KCNQ4: variants seen among roughly 807,000 people sequenced by gnomAD.
The protein encoded by KCNQ4 is potassium voltage-gated channel subfamily Q member 4.
KCNQ4 carries 31 observed loss-of-function variants against 72.6 expected under a neutral mutation model. The ratio of observed to expected loss-of-function variants is 0.43; its 90% confidence interval spans 0.32 to 0.58. KCNQ4 has a LOEUF of 0.58. Among genes scored for constraint, KCNQ4 ranks in the 20% least tolerant of loss-of-function variants. KCNQ4 has a pLI of 0.08. For missense variants in KCNQ4, 869 were observed against 962.6 expected, an observed-to-expected ratio of 0.90 and a Z score of 1.29; for synonymous variants, 405 against 403.7, an observed-to-expected ratio of 1.00 and a Z score of -0.04.
rs917589480 is a variant in KCNQ4 at position 40,832,948 on chromosome 1, A to G, written c.1514-66A>G. ...CACTCTACTGGTGGTTTGGCATACA[A>G]GGGTCGGATGGGAGGTTGGGAGTGG... On this transcript the variant is annotated intron_variant, in intron 10 of 13. Transcript: ENST00000347132. 6.9e-6 allele frequency: 8 copies of G among 1,164,470 alleles called. No individual in the cohort carries two copies. In the African/African-American group the frequency reaches 1.2e-4, roughly 18 times the overall value. The allele number at this position is 1,164,470 out of a possible 1,614,324, so 72.1% of individuals were successfully genotyped here. A position where few individuals can be genotyped will look rare whatever the true frequency, so the allele number is the denominator to read the frequency against.
intron 7 of KCNQ4, among the ~76,000 whole-genome samples, chr1:40,820,462 G>A (rs1307623451): frequency 6.6e-6 from 1 of 152,154 alleles, no homozygotes; most frequent in Non-Finnish European, 1.5e-5. Flanking sequence ...ACTTCCCCCT[G>A]CACCAAATGC....
chr1:40,837,661 T>C lies in KCNQ4; in HGVS notation c.1746-4T>C, dbSNP rs769063921. The C allele has an allele frequency of 2.5e-6, 4 of 1,612,568 alleles. No homozygotes were observed. In the Admixed American group the frequency reaches 6.7e-5, roughly 27 times the overall value. ...GGGCCCTCTGATGGTTCCCTTACCC[T>C]TAGGGTGGACCAAATTGTGGGTCGG... On this transcript the variant is annotated splice_region_variant and splice_polypyrimidine_tract_variant and intron_variant, in intron 12 of 13. Transcript: ENST00000347132.
chr1:40,834,958 C>T lies in KCNQ4; in HGVS notation c.1614-9C>T, dbSNP rs746781318. ...CAGGACACTCCCTCTGAGCCCCCTC[C>T]CCCAACAGGATTCTCAAGTTCCTGG... On this transcript the variant is annotated splice_polypyrimidine_tract_variant and intron_variant, in intron 11 of 13. Coordinates refer to ENST00000347132, the MANE Select transcript of KCNQ4 (RefSeq NM_004700.4). 5.6e-6 allele frequency: 9 copies of T among 1,613,000 alleles called. No individual in the cohort carries two copies. The highest frequency in any genetic ancestry group is 6.8e-6 in the Non-Finnish European group (8 of 1,179,414).
At chr1:40,822,109 A>T (rs1008066325) in intron 7 of KCNQ4, among the ~76,000 whole-genome samples, 2 of 152,136 alleles carry the variant, frequency 1.3e-5, no homozygotes, top group African/African-American at 4.8e-5. Context: ...TCTGACATTG[A>T]TCTGCTTTGT....
intron 11 of KCNQ4, among the ~76,000 whole-genome samples, chr1:40,834,088 C>G (rs1282503691): frequency 1.3e-5 from 2 of 151,878 alleles, no homozygotes; most frequent in South Asian, 2.1e-4. Context: ...CTGCTTACCC[C>G]CTTTTCACCC....
chr1:40,784,530 C>T lies in KCNQ4; in HGVS notation c.314+123C>T, dbSNP rs1362520497. 2.2e-6 allele frequency: 2 copies of T among 904,788 alleles called. No individual in the cohort carries two copies. Among genetic ancestry groups the T allele is most frequent in the Non-Finnish European group, 3.5e-6 (2 of 566,988 alleles). The allele number at this position is 904,788 out of a possible 1,614,324, so 56.0% of individuals were successfully genotyped here. A position where few individuals can be genotyped will look rare whatever the true frequency, so the allele number is the denominator to read the frequency against. ...CCTCAGGGCCGACCCTCATCTCTCTCCCCCCAGGCCTAAGCCCGGTTTCTG... is the reference window on the plus strand; with the variant it reads ...CCTCAGGGCCGACCCTCATCTCTCTTCCCCCAGGCCTAAGCCCGGTTTCTG... On this transcript the variant is annotated intron_variant, in intron 1 of 13. Transcript: ENST00000347132. This position sits in a 1 kb window ranked among gnomAD's most constrained non-coding sequence, Gnocchi z 4.1.
chr1:40,813,183 T>C (rs1297107176), intron 1 of KCNQ4, among the ~76,000 whole-genome samples: 1 of 152,194 alleles, frequency 6.6e-6, no homozygotes, highest in East Asian at 1.9e-4. Flanking sequence ...CAGGGCCTTG[T>C]TGTCAGTGCC....
At position 40,838,364 on chromosome 1, in the gene KCNQ4, C is replaced by G; in HGVS notation, c.1929C>G (p.Cys643Trp). 6.2e-7 allele frequency: 1 copy of G among 1,614,000 alleles called. No individual in the cohort carries two copies. The highest frequency in any genetic ancestry group is 8.5e-7 in the Non-Finnish European group (1 of 1,179,940). ...TGCTGTTGGGCTTCTATTCGCGCTG[C>G]CTGCGCTCTGGCACCTCGGCCAGCC... ...LDLLLGFYSR[C>W]LRSGTSASLG... Residue 643 changes from cysteine to tryptophan, a missense_variant, in exon 14 of 14, where the codon TGC becomes TGG. Coordinates refer to ENST00000347132, the MANE Select transcript of KCNQ4 (RefSeq NM_004700.4).
intron 1 of KCNQ4, among the ~76,000 whole-genome samples, chr1:40,815,573 C>T (rs964256463): frequency 5.9e-5 from 9 of 152,130 alleles, no homozygotes; most frequent in African/African-American, 1.7e-4. Flanking sequence ...TCCCGTACCC[C>T]GTGTTTTTGC....
rs776136734 is a variant in KCNQ4, at chr1:40,833,124, G to T, written c.1613+11G>T. On this transcript the variant is annotated intron_variant, in intron 11 of 13. Coordinates refer to ENST00000347132, the MANE Select transcript of KCNQ4 (RefSeq NM_004700.4). ...CATCCGCTCCATCAGGTAAGACTGAGGCCTGAGGCGAGCACCCCCCTCCGT... is the reference window on the plus strand; with the variant it reads ...CATCCGCTCCATCAGGTAAGACTGATGCCTGAGGCGAGCACCCCCCTCCGT... The T allele has an allele frequency of 6.2e-7, 1 of 1,600,040 alleles. No homozygotes were observed. The highest frequency in any genetic ancestry group is 1.1e-5 in the South Asian group (1 of 90,858).
chr1:40,799,463 C>T (rs1007180780), intron 1 of KCNQ4, among the ~76,000 whole-genome samples: 26 of 151,990 alleles, frequency 1.7e-4, no homozygotes, highest in African/African-American at 6.1e-4. Flanking sequence ...TAAACACTGC[C>T]GTCGCCTGGG....
intron 12 of KCNQ4, among the ~76,000 whole-genome samples, chr1:40,836,739 G>T (rs889417453): frequency 2.0e-5 from 3 of 152,188 alleles, no homozygotes; most frequent in African/African-American, 7.2e-5. Flanking sequence ...GGAAGAAGGG[G>T]TGATCAGATG....
At chr1:40,785,247 T>C (rs1647190228) in intron 1 of KCNQ4, among the ~76,000 whole-genome samples, 1 of 152,126 alleles carries the variant, frequency 6.6e-6, no homozygotes, top group African/African-American at 2.4e-5. Context: ...CTCTTGGGTG[T>C]GAAGAGTGAA....
At chr1:40,797,122 C>T (rs1476059484) in intron 1 of KCNQ4, among the ~76,000 whole-genome samples, 2 of 152,208 alleles carry the variant, frequency 1.3e-5, no homozygotes, top group Non-Finnish European at 2.9e-5. Flanking sequence ...TGAATCAGAC[C>T]TTCCTCTGCT....
At chr1:40,793,148 G>A (rs1032535708) in intron 1 of KCNQ4, among the ~76,000 whole-genome samples, 3 of 151,386 alleles carry the variant, frequency 2.0e-5, no homozygotes, top group Non-Finnish European at 2.9e-5. Flanking sequence ...GACTACAGGC[G>A]CACACCAAGA....
chr1:40,803,901 C>T (rs1315519691), intron 1 of KCNQ4, among the ~76,000 whole-genome samples: 1 of 152,216 alleles, frequency 6.6e-6, no homozygotes, highest in Non-Finnish European at 1.5e-5. Context: ...CTACAGAACT[C>T]CTGGGCTGGG....
chr1:40,816,768 CA>C (rs1312003815), intron 1 of KCNQ4, among the ~76,000 whole-genome samples: 1 of 152,218 alleles, frequency 6.6e-6, no homozygotes, highest in Non-Finnish European at 1.5e-5. Flanking sequence ...TCCACGAAGG[CA>C]GGGGCAGTTG....
At chr1:40,787,945 G>A (rs1252499507) in intron 1 of KCNQ4, among the ~76,000 whole-genome samples, 3 of 152,200 alleles carry the variant, frequency 2.0e-5, no homozygotes, top group East Asian at 1.9e-4. Context: ...CAGGCCTGCC[G>A]CTCCCAGCCC....
chr1:40,835,270 C>T (rs1250462693), intron 12 of KCNQ4, among the ~76,000 whole-genome samples, 172 bp downstream of exon 12: 2 of 152,170 alleles, frequency 1.3e-5, no homozygotes, highest in East Asian at 1.9e-4. Flanking sequence ...ACCCAGCACC[C>T]GTCCCAAGGC....
Sources: allele counts gnomAD v4.1 joint callset (sites outside exome capture counted in the v4.1 genomes callset), GRCh38; gene constraint gnomAD v4.1.1; non-coding constraint Gnocchi (gnomAD v3.1); transcripts MANE v1.5; gene names NCBI Gene and HGNC (gene_info 2026-07-23, HGNC 2026-07-21).